Variants in SLC44A2 observed in about 807,000 individuals in gnomAD.
SLC44A2 encodes the protein solute carrier family 44 member 2 (CTL2 blood group), also known as choline transporter-like protein 2.
Under a neutral mutation model 90.8 loss-of-function variants are expected in SLC44A2, and 57 were observed. The observed-to-expected ratio is 0.63, with a 90% CI of 0.51 to 0.78. SLC44A2 has a LOEUF of 0.78. SLC44A2 is among the 30% of genes least tolerant of loss of function. SLC44A2 has a pLI of 0.00. For synonymous variants in SLC44A2, 355 were observed against 360.7 expected (o/e 0.98, Z 0.18); for missense variants, 794 against 919.7 (o/e 0.86, Z 1.77).
rs924304118 is a variant in SLC44A2 at position 10,642,530 on chromosome 19, G to A, written c.2014+79G>A. ...TGGGCATCACATCACCCTCCAACGGGGCAACACGCTTGCCTGCCCCCAGCT... is the reference window on the plus strand; with the variant it reads ...TGGGCATCACATCACCCTCCAACGGAGCAACACGCTTGCCTGCCCCCAGCT... On this transcript the variant is annotated intron_variant, in intron 21 of 21. Transcript: ENST00000335757. The A allele has an allele frequency of 2.2e-6, 3 of 1,353,752 alleles. No individual in the cohort carries two copies. The African/African-American group carries it at 4.3e-5, about 19-fold the overall frequency. The allele number at this position is 1,353,752 out of a possible 1,614,324, so 83.9% of individuals were successfully genotyped here.
chr19:10,628,043 A>AG, intron 4 of SLC44A2, 39 bp downstream of exon 4: 1 of 1,542,374 alleles, frequency 6.5e-7, no homozygotes, highest in Non-Finnish European at 8.9e-7. Flanking sequence ...GCTGGGGAAG[A>AG]GGGGGCAGAA....
At chr19:10,615,573 C>CAA (rs538192367) in intron 1 of SLC44A2, among the ~76,000 whole-genome samples, 3 of 107,046 alleles carry the variant, frequency 2.8e-5, no homozygotes, top group Non-Finnish European at 3.9e-5. Context: ...GACTCCGTCT[C>CAA]AAAAAAAAAA....
At position 10,637,570 on chromosome 19, in the gene SLC44A2, G is replaced by C. The variant is rs1225952725; in HGVS notation, c.1592-74G>C. ...GACCTGGACATTGGCAAGTGTGTGT[G>C]ATAGGGAAGAGGGGATCCCTTCCAA... On this transcript the variant is annotated intron_variant, in intron 16 of 21. Coordinates refer to ENST00000335757, the MANE Select transcript of SLC44A2 (RefSeq NM_020428.4). The C allele has an allele frequency of 1.3e-5, 18 of 1,334,178 alleles. No individual in the cohort carries two copies. In the East Asian group the frequency reaches 1.4e-4, roughly 10 times the overall value. The allele number at this position is 1,334,178 out of a possible 1,614,324, so 82.6% of individuals were successfully genotyped here.
intron 1 of SLC44A2, among the ~76,000 whole-genome samples, chr19:10,609,673 C>G (rs1215788595): frequency 2.0e-5 from 3 of 152,056 alleles, no homozygotes; most frequent in Non-Finnish European, 2.9e-5. Context: ...CTATGTTGTC[C>G]AGGCTGGTCT....
intron 1 of SLC44A2, among the ~76,000 whole-genome samples, chr19:10,602,935 GT>G (rs979520849): frequency 2.0e-5 from 3 of 152,162 alleles, no homozygotes; most frequent in Admixed American, 6.6e-5. Flanking sequence ...AATCCCCTTT[GT>G]CCATTTCTTC....
At chr19:10,614,168 C>T (rs1404562795) in intron 1 of SLC44A2, among the ~76,000 whole-genome samples, 2 of 151,872 alleles carry the variant, frequency 1.3e-5, no homozygotes, top group Non-Finnish European at 1.5e-5. Context: ...GGTTTCACCA[C>T]GTTGGCCACG....
intron 21 of SLC44A2, chr19:10,642,924 C>T (rs756779154): frequency 1.3e-6 from 2 of 1,594,862 alleles, no homozygotes; most frequent in Non-Finnish European, 1.7e-6. Context: ...AATGACGGCT[C>T]TCAGGAGCGA....
intron 1 of SLC44A2, among the ~76,000 whole-genome samples, chr19:10,614,175 C>CA (rs1228110309): frequency 2.0e-5 from 3 of 152,010 alleles, no homozygotes; most frequent in Non-Finnish European, 4.4e-5. Flanking sequence ...CCACGTTGGC[C>CA]ACGCTGGTCT....
chr19:10,615,708 A>G (rs1011427826), intron 1 of SLC44A2, among the ~76,000 whole-genome samples: 1 of 152,202 alleles, frequency 6.6e-6, no homozygotes, highest in Non-Finnish European at 1.5e-5. Flanking sequence ...CATGAAGCTC[A>G]AACCTGTGTT....
intron 1 of SLC44A2, 66 bp from the exon 2 acceptor site, chr19:10,626,187 G>A: frequency 7.6e-7 from 1 of 1,315,078 alleles, no homozygotes; most frequent in African/African-American, 1.4e-5. Context: ...TTTGGGAGGG[G>A]GCTCTCCCAG....
rs1186535204 is a variant in SLC44A2 at position 10,638,321 on chromosome 19, G to A, written c.1929+6G>A. On this transcript the variant is annotated splice_donor_region_variant and intron_variant, in intron 20 of 21. Transcript: ENST00000335757. The stretch of plus-strand genomic sequence containing the variant: ...ATTACTGGGTTCCTATACTGGTATG[G>A]ACCTCTGGGGAGAGATGGGGGTTTG... 3.1e-6 allele frequency: 5 copies of A among 1,612,788 alleles called. No individual in the cohort carries two copies. Among genetic ancestry groups the A allele is most frequent in the Non-Finnish European group, 3.4e-6 (4 of 1,178,942 alleles).
At chr19:10,623,696 T>A (rs532697020), upstream of SLC44A2, among the ~76,000 whole-genome samples, 18 of 151,660 alleles carry the variant, frequency 1.2e-4, no homozygotes, top group East Asian at 3.5e-3. Context: ...TATTGTATTT[T>A]TTTTTTTTTT....
At position 10,635,496 on chromosome 19, in the gene SLC44A2, C is replaced by G. The variant is rs146776109; in HGVS notation, c.1214C>G (p.Ala405Gly). The G allele has an allele frequency of 1.2e-6, 2 of 1,613,894 alleles. No homozygotes were observed. The highest frequency in any genetic ancestry group is 1.3e-5 in the African/African-American group (1 of 75,024). The change falls in exon 14 of 22, where the codon GCG (alanine) becomes GGG (glycine). Residue 405 changes from alanine (A) to glycine (G), a missense_variant. This residue lies in a region of SLC44A2 where 738 missense variants were observed against 841.1 expected (regional missense o/e 0.88). Coordinates refer to ENST00000335757, the MANE Select transcript of SLC44A2 (RefSeq NM_020428.4). ...IFDDSPCPFT[A>G]KTCNPETFPS... ...GATGACAGCCCCTGCCCATTTACTG[C>G]GAAAACCTGCAACCCAGAGGTGGGC...
At chr19:10,622,682 C>T (rs1470377497), upstream of SLC44A2, among the ~76,000 whole-genome samples, 2 of 151,604 alleles carry the variant, frequency 1.3e-5, no homozygotes, top group African/African-American at 4.8e-5. Flanking sequence ...TGGGAGGATC[C>T]CTGAGGCCAG....
chr19:10,603,253 G>A (rs1599563473), intron 1 of SLC44A2, among the ~76,000 whole-genome samples: 1 of 152,316 alleles, frequency 6.6e-6, no homozygotes, highest in East Asian at 1.9e-4. Flanking sequence ...CCGGGGATGG[G>A]CCCAGGATGT....
Position 10,631,928 on chromosome 19 carries a change from C to T in SLC44A2, c.687C>T (p.Thr229=), listed in dbSNP as rs377676445. Reference sequence around the variant, plus strand: ...CCATGCGCATATTTGAAGATTACACCGTCTCTTGGTACTGGATTATCATGT... The same window carrying T: ...CCATGCGCATATTTGAAGATTACACTGTCTCTTGGTACTGGATTATCATGT... ...QLAMRIFEDY[T]VSWYWIIIGL... is the part of the protein sequence containing the mutation. The change falls in exon 9 of 22, where the codon ACC becomes ACT. Residue 229 remains threonine (T), a synonymous_variant. Coordinates refer to ENST00000335757, the MANE Select transcript of SLC44A2 (RefSeq NM_020428.4). The T allele has an allele frequency of 2.1e-5, 34 of 1,614,086 alleles. No individual in the cohort carries two copies. Among genetic ancestry groups the T allele is most frequent in the African/African-American group, 1.1e-4 (8 of 74,944 alleles).
At position 10,627,782 on chromosome 19, in the gene SLC44A2, T is replaced by C. The variant is rs780927598; in HGVS notation, c.147T>C (p.Ala49=). The C allele has an allele frequency of 1.9e-6, 3 of 1,614,088 alleles. No individual in the cohort carries two copies. Among genetic ancestry groups the C allele is most frequent in the Non-Finnish European group, 2.5e-6 (3 of 1,180,012 alleles). The change falls in exon 3 of 22, where the codon GCT becomes GCC. Residue 49 remains alanine, a synonymous_variant. Coordinates refer to ENST00000335757, the MANE Select transcript of SLC44A2 (RefSeq NM_020428.4). ...TCCTGGCCATTGTGGGCTACGTGGCTGTAGGCATCATAGGTGAGTAGAGAA... is the reference window on the plus strand; with the variant it reads ...TCCTGGCCATTGTGGGCTACGTGGCCGTAGGCATCATAGGTGAGTAGAGAA... ...FLLLAIVGYV[A]VGIIAWTHGD...
intron 1 of SLC44A2, among the ~76,000 whole-genome samples, chr19:10,611,662 A>G (rs1227941175): frequency 6.6e-6 from 1 of 151,882 alleles, no homozygotes; most frequent in African/African-American, 2.4e-5. Context: ...TCCCAAAAAT[A>G]TGCAAAAAAA....
At position 10,631,930 on chromosome 19, in the gene SLC44A2, T is replaced by A. The variant is rs781723278; in HGVS notation, c.689T>A (p.Val230Asp). ...LAMRIFEDYT[V>D]SWYWIIIGLV... ...ATGCGCATATTTGAAGATTACACCGTCTCTTGGTACTGGATTATCATGTAA... is the reference window on the plus strand; with the variant it reads ...ATGCGCATATTTGAAGATTACACCGACTCTTGGTACTGGATTATCATGTAA... Residue 230 changes from valine to aspartate, a missense_variant, in exon 9 of 22, where the codon GTC becomes GAC. Physicochemically the swap from Val to Asp is radical, Grantham distance 152. Coordinates refer to ENST00000335757, the MANE Select transcript of SLC44A2 (RefSeq NM_020428.4). The A allele has an allele frequency of 3.1e-6, 5 of 1,614,002 alleles. No homozygotes were observed. The East Asian group carries it at 1.1e-4, about 36-fold the overall frequency.
Sources: allele counts gnomAD v4.1 joint callset (sites outside exome capture counted in the v4.1 genomes callset), GRCh38; gene constraint gnomAD v4.1.1; regional missense constraint gnomAD v4.1.1; transcripts MANE v1.5; gene names NCBI Gene and HGNC (gene_info 2026-07-23, HGNC 2026-07-21).